The following RAPGEF6 variants were observed in gnomAD, a reference collection of about 807,000 sequenced individuals.
RAPGEF6 encodes the protein PDZ domain containing guanine nucleotide exchange factor (GEF) 2.
Under a neutral mutation model 171.4 loss-of-function variants are expected in RAPGEF6, and 56 were observed. That is an observed-to-expected ratio of 0.33 (90% CI 0.26 to 0.41). The LOEUF is 0.41. RAPGEF6 is among the 10% of genes least tolerant of loss of function. RAPGEF6 has a pLI of 1.00. For missense variants in RAPGEF6, 1,674 were observed against 1,921.4 expected (o/e 0.87, Z 2.41); for synonymous variants, 692 against 650.1 (o/e 1.06, Z -0.98).
rs34701964 is a variant in RAPGEF6, at chr5:131,601,083, CAAAAA to C, written c.197+2183_197+2187del. On this transcript the variant is annotated intron_variant, in intron 3 of 27. Coordinates refer to ENST00000509018, the MANE Select transcript of RAPGEF6 (RefSeq NM_016340.6). Reference sequence around the variant, plus strand: ...TGGGCAACGCAAGAAAACTCCATTTCAAAAAAAAAAAAAAAGAAGGCTGGGAGCGG... The same window carrying C: ...TGGGCAACGCAAGAAAACTCCATTTCAAAAAAAAAAGAAGGCTGGGAGCGG... 8.0e-4 allele frequency among the ~76,000 whole-genome samples: 108 copies of C among 134,270 alleles called. No individual in the cohort carries two copies. In the Middle Eastern group the frequency reaches 0.016, roughly 20 times the overall value. The allele number at this position is 134,270 out of a possible 152,430, so 88.1% of individuals were successfully genotyped here.
chr5:131,466,323 G>C (rs1754340082), intron 17 of RAPGEF6, among the ~76,000 whole-genome samples: 1 of 151,538 alleles, frequency 6.6e-6, no homozygotes, highest in South Asian at 2.1e-4. Context: ...AATGCATCTT[G>C]TTCAGATTTC....
intron 4 of RAPGEF6, among the ~76,000 whole-genome samples, chr5:131,573,961 C>T (rs1762454120): frequency 6.6e-6 from 1 of 152,180 alleles, no homozygotes. Context: ...ACAATCTCAC[C>T]TTCAAGGTGT....
At chr5:131,498,361 A>C in intron 12 of RAPGEF6, 82 bp downstream of exon 12, 1 of 1,261,260 alleles carries the variant, frequency 7.9e-7, no homozygotes, top group Non-Finnish European at 1.1e-6. Context: ...TTATCATAAT[A>C]AACAGGTAAT....
chr5:131,554,787 G>C (rs913215734), intron 5 of RAPGEF6, among the ~76,000 whole-genome samples: 1 of 152,172 alleles, frequency 6.6e-6, no homozygotes, highest in Non-Finnish European at 1.5e-5. Context: ...GAAGTGCTGG[G>C]ATTACAGGAG....
intron 1 of RAPGEF6, among the ~76,000 whole-genome samples, chr5:131,612,763 C>T (rs1277254133): frequency 6.6e-6 from 1 of 152,214 alleles, no homozygotes; most frequent in Non-Finnish European, 1.5e-5. Flanking sequence ...CCAGAATTTT[C>T]TAAGACTCTC....
chr5:131,555,794 A>C (rs551177898), intron 5 of RAPGEF6, among the ~76,000 whole-genome samples: 10 of 152,162 alleles, frequency 6.6e-5, no homozygotes, highest in African/African-American at 9.7e-5. Context: ...ACGTGCGTCT[A>C]TATACACACA....
intron 7 of RAPGEF6, among the ~76,000 whole-genome samples, chr5:131,516,697 A>AT (rs1194292814): frequency 1.3e-5 from 2 of 152,236 alleles, no homozygotes; most frequent in Non-Finnish European, 2.9e-5. Flanking sequence ...AGGAATCTAG[A>AT]AAGAAGTACT....
intron 6 of RAPGEF6, among the ~76,000 whole-genome samples, chr5:131,531,450 T>G (rs779139638): frequency 6.6e-6 from 1 of 152,138 alleles, no homozygotes; most frequent in Admixed American, 6.5e-5. Flanking sequence ...GCCTGGAAGG[T>G]TGTATAGCAC....
At chr5:131,520,506 A>G (rs543486795) in intron 7 of RAPGEF6, among the ~76,000 whole-genome samples, 1 of 152,330 alleles carries the variant, frequency 6.6e-6, no homozygotes, top group African/African-American at 2.4e-5. Flanking sequence ...GCTACTAGAA[A>G]ATTTAAAATT....
intron 1 of RAPGEF6, among the ~76,000 whole-genome samples, chr5:131,615,566 T>C (rs770675808): frequency 6.6e-6 from 1 of 152,188 alleles, no homozygotes; most frequent in Admixed American, 6.5e-5. Flanking sequence ...GTGCTAATCA[T>C]TTACGCTGAA....
At chr5:131,613,428 A>ACT (rs1205842223) in intron 1 of RAPGEF6, among the ~76,000 whole-genome samples, 3 of 142,364 alleles carry the variant, frequency 2.1e-5, no homozygotes, top group African/African-American at 5.2e-5. Flanking sequence ...TCTGTGTGTG[A>ACT]CTCTCTCTCT....
chr5:131,551,511 C>CA (rs11305566), intron 5 of RAPGEF6, among the ~76,000 whole-genome samples: 9,727 of 108,722 alleles, frequency 0.089, 756 homozygotes, highest in African/African-American at 0.23. Context: ...GACTCCATCT[C>CA]AAAAAAAAAA....
At chr5:131,448,390 A>G (rs780994724) in intron 21 of RAPGEF6, among the ~76,000 whole-genome samples, 3 of 152,224 alleles carry the variant, frequency 2.0e-5, no homozygotes, top group Non-Finnish European at 4.4e-5. Context: ...AGCCAAGTCC[A>G]TAAGAGCTCC....
At chr5:131,512,465 T>G (rs1757802312) in intron 7 of RAPGEF6, among the ~76,000 whole-genome samples, 1 of 151,854 alleles carries the variant, frequency 6.6e-6, no homozygotes, top group African/African-American at 2.4e-5. Flanking sequence ...GCCTCCCTAG[T>G]AGCTAGGACC....
chr5:131,608,372 T>C (rs1764732274), intron 1 of RAPGEF6, among the ~76,000 whole-genome samples: 1 of 152,228 alleles, frequency 6.6e-6, no homozygotes. Flanking sequence ...CAAAAAAGAC[T>C]ACTTTACAAA....
chr5:131,629,847 A>G (rs1766189133), intron 1 of RAPGEF6, among the ~76,000 whole-genome samples: 1 of 152,124 alleles, frequency 6.6e-6, no homozygotes, highest in Admixed American at 6.6e-5. Flanking sequence ...TCATGATAAA[A>G]CTTGAGTAGA....
At chr5:131,512,347 A>ATCC (rs929669970) in intron 7 of RAPGEF6, among the ~76,000 whole-genome samples, 1 of 148,194 alleles carries the variant, frequency 6.7e-6, no homozygotes, top group Non-Finnish European at 1.5e-5. Flanking sequence ...CAATAAACTA[A>ATCC]CCTTTTGGCT....
intron 5 of RAPGEF6, among the ~76,000 whole-genome samples, chr5:131,551,828 T>C (rs960463248): frequency 6.6e-6 from 1 of 152,160 alleles, no homozygotes; most frequent in Non-Finnish European, 1.5e-5. Flanking sequence ...ATGATTTTTA[T>C]TCCAGGAATA....
chr5:131,467,216 C>T (rs1003694027), intron 17 of RAPGEF6, among the ~76,000 whole-genome samples: 1 of 152,224 alleles, frequency 6.6e-6, no homozygotes, highest in African/African-American at 2.4e-5. Context: ...TATCTTGCTG[C>T]ATAGTGTTAC....
Sources: gnomAD v4.1 joint callset for allele counts (sites outside exome capture counted in the v4.1 genomes callset) on GRCh38, gnomAD v4.1.1 for gene constraint, MANE v1.5 for transcripts, NCBI Gene and HGNC (gene_info 2026-07-23, HGNC 2026-07-21) for gene names.